The following MTA3 variants were observed in gnomAD, a reference collection of about 807,000 sequenced individuals.
The protein encoded by MTA3 is metastasis associated 1 family member 3.
Under a neutral mutation model 83.5 loss-of-function variants are expected in MTA3, and 34 were observed. That is an observed-to-expected ratio of 0.41 (90% CI 0.31 to 0.54). The LOEUF is 0.54. MTA3 is among the 20% of genes least tolerant of loss of function. The pLI is 0.33. For synonymous variants in MTA3, 303 were observed against 252.7 expected, an observed-to-expected ratio of 1.20 and a Z score of -1.89; for missense variants, 761 against 726.4, an observed-to-expected ratio of 1.05 and a Z score of -0.55.
intron 5 of MTA3, among the ~76,000 whole-genome samples, chr2:42,641,356 A>G (rs760733872): frequency 1.2e-4 from 18 of 152,124 alleles, no homozygotes; most frequent in South Asian, 4.1e-4. Context: ...ACCAACAGGA[A>G]AAGTCATATT....
At chr2:42,694,077 C>T (rs1469315761) in intron 9 of MTA3, among the ~76,000 whole-genome samples, 4 of 152,144 alleles carry the variant, frequency 2.6e-5, no homozygotes, top group African/African-American at 9.7e-5. Flanking sequence ...GGAATGGGGG[C>T]CTCACGACTC....
intron 4 of MTA3, among the ~76,000 whole-genome samples, chr2:42,624,194 T>C (rs1339656043): frequency 2.3e-4 from 35 of 152,180 alleles, no homozygotes; most frequent in Non-Finnish European, 2.9e-5. Context: ...TAGTATTTGA[T>C]TTTATTTTTA....
At chr2:42,595,344 T>C (rs1484117514) in intron 3 of MTA3, among the ~76,000 whole-genome samples, 3 of 151,684 alleles carry the variant, frequency 2.0e-5, no homozygotes, top group South Asian at 2.1e-4. Flanking sequence ...TCTCCTGACC[T>C]CGTGATCTGC....
chr2:42,534,522 G>T (rs1045483202), intron 2 of MTA3, among the ~76,000 whole-genome samples: 1 of 151,990 alleles, frequency 6.6e-6, no homozygotes, highest in East Asian at 1.9e-4. Flanking sequence ...GCTTGAACCC[G>T]GGAGGCAGAG....
At chr2:42,573,257 G>A (rs922649079) in intron 2 of MTA3, among the ~76,000 whole-genome samples, 6 of 152,164 alleles carry the variant, frequency 3.9e-5, no homozygotes, top group Non-Finnish European at 7.3e-5. Context: ...TCTTGAGAAG[G>A]CAAGCCTGAC....
intron 3 of MTA3, among the ~76,000 whole-genome samples, chr2:42,606,893 C>T (rs1169106234): frequency 6.8e-6 from 1 of 147,836 alleles, no homozygotes; most frequent in Non-Finnish European, 1.5e-5. Flanking sequence ...GCCTGGCCAA[C>T]ACAGCGAAAC....
chr2:42,663,144 A>G (rs1172885660), intron 8 of MTA3, among the ~76,000 whole-genome samples: 4 of 152,224 alleles, frequency 2.6e-5, no homozygotes, highest in African/African-American at 9.6e-5. Flanking sequence ...GTTTAACACT[A>G]TTCTTATGAG....
intron 4 of MTA3, among the ~76,000 whole-genome samples, chr2:42,633,349 A>G (rs990700451): frequency 2.0e-5 from 3 of 150,928 alleles, no homozygotes; most frequent in Admixed American, 1.3e-4. Flanking sequence ...TTGGGGGGCC[A>G]AGGAGGATCG....
chr2:42,754,780 C>CA lies in MTA3; in HGVS notation c.*1381_*1382insA. The CA allele has an allele frequency of 1.0e-6, 1 of 985,494 alleles. No homozygotes were observed. The highest frequency in any genetic ancestry group is 1.1e-4 in the East Asian group (1 of 8,822). 61.0% of individuals were successfully genotyped at this position (985,494 alleles called of 1,614,324 possible). ...GAGTGGCTACAATTGAATTGACACC[C>CA]TGGGAAGCACGAGGTAACTTGGTAA... On this transcript the variant is annotated 3_prime_UTR_variant, in exon 17 of 17. Transcript: ENST00000405094.
intron 6 of MTA3, among the ~76,000 whole-genome samples, chr2:42,651,228 G>C (rs762163941): frequency 6.6e-6 from 1 of 152,252 alleles, no homozygotes; most frequent in Non-Finnish European, 1.5e-5. Flanking sequence ...TGCAGCACTG[G>C]AAGTTGCTTT....
At chr2:42,730,286 C>G (rs1234093710) in intron 16 of MTA3, among the ~76,000 whole-genome samples, 1 of 152,062 alleles carries the variant, frequency 6.6e-6, no homozygotes, top group African/African-American at 2.4e-5. Context: ...GCATCCTTGT[C>G]TTGTTTTAAA....
At chr2:42,585,082 AAAT>A (rs1039148144) in intron 3 of MTA3, among the ~76,000 whole-genome samples, 4 of 150,756 alleles carry the variant, frequency 2.7e-5, no homozygotes, top group East Asian at 1.9e-4. Context: ...CATAATAATC[AAAT>A]AATAATAATA....
intron 4 of MTA3, among the ~76,000 whole-genome samples, chr2:42,633,484 T>C (rs1246982434): frequency 6.6e-6 from 1 of 152,042 alleles, no homozygotes; most frequent in African/African-American, 2.4e-5. Flanking sequence ...GAAACTGAGG[T>C]GGGAGGATCA....
At chr2:42,621,750 G>C (rs1297723985) in intron 4 of MTA3, among the ~76,000 whole-genome samples, 4 of 150,830 alleles carry the variant, frequency 2.7e-5, no homozygotes, top group South Asian at 2.1e-4. Flanking sequence ...GGCGGCTGCC[G>C]GGCGGAGGGG....
At position 42,579,213 on chromosome 2, in the gene MTA3, T is replaced by TC. The variant is rs1679352729; in HGVS notation, c.190+14dup. 1 of 1,559,278 alleles carries TC rather than the reference T, an allele frequency of 6.4e-7. No homozygotes were observed. Among genetic ancestry groups the TC allele is most frequent in the Non-Finnish European group, 8.7e-7 (1 of 1,153,832 alleles). On this transcript the variant is annotated intron_variant, in intron 3 of 16. Transcript: ENST00000405094. ...GATAAGCATGCTAGTAAGTTGTTTTTCTCTGATTAAAAAAACGTTTTAAGT... is the reference window on the plus strand; with the variant it reads ...GATAAGCATGCTAGTAAGTTGTTTTTCCTCTGATTAAAAAAACGTTTTAAGT...
chr2:42,707,676 T>C (rs74354669), intron 12 of MTA3, among the ~76,000 whole-genome samples: 3,034 of 152,300 alleles, frequency 0.02, 85 homozygotes, highest in African/African-American at 0.067. Context: ...CTTCACTGAA[T>C]AGCTTTAACA....
chr2:42,516,597 T>C (rs1675154661), intron 2 of MTA3, among the ~76,000 whole-genome samples: 1 of 152,178 alleles, frequency 6.6e-6, no homozygotes, highest in African/African-American at 2.4e-5. Flanking sequence ...AGGAAATGGC[T>C]CACCGGCGGG....
At chr2:42,674,897 G>A (rs72801630) in intron 8 of MTA3, among the ~76,000 whole-genome samples, 4,736 of 151,524 alleles carry the variant, frequency 0.031, 106 homozygotes, top group Non-Finnish European at 0.049. Context: ...ACTGCGCCTG[G>A]CCTAGTTTTC....
intron 3 of MTA3, among the ~76,000 whole-genome samples, chr2:42,591,731 A>G (rs1284231652): frequency 2.6e-5 from 4 of 151,884 alleles, no homozygotes; most frequent in African/African-American, 9.7e-5. Context: ...GCTCACTGCA[A>G]TCTCCGCCTT....
Sources: gnomAD v4.1 joint callset for allele counts (sites outside exome capture counted in the v4.1 genomes callset) on GRCh38, gnomAD v4.1.1 for gene constraint, MANE v1.5 for transcripts, NCBI Gene and HGNC (gene_info 2026-07-23, HGNC 2026-07-21) for gene names.